Variants in ASIC2 observed in about 807,000 individuals in gnomAD.
ASIC2 encodes acid sensing ion channel subunit 2, also known as acid-sensing ion channel 2.
In ASIC2, 25 loss-of-function variants were observed where a neutral mutation model predicts 57.3. The observed-to-expected ratio is 0.44, with a 90% CI of 0.32 to 0.61. The LOEUF (loss-of-function observed/expected upper bound fraction) is 0.61. Ranked by LOEUF, ASIC2 falls within the 20% of genes least tolerant of loss-of-function variation. The pLI is 0.06. For missense variants in ASIC2, 641 were observed against 738.1 expected, an observed-to-expected ratio of 0.87 and a Z score of 1.52; for synonymous variants, 319 against 307.5, an observed-to-expected ratio of 1.04 and a Z score of -0.39.
intron 1 of ASIC2, among the ~76,000 whole-genome samples, chr17:33,211,452 C>T (rs765646075): frequency 1.3e-5 from 2 of 151,630 alleles, no homozygotes; most frequent in Non-Finnish European, 2.9e-5. Context: ...GGGGACATCA[C>T]CACCAAGGTG....
Position 34,107,180 on chromosome 17 carries a change from G to A in ASIC2, c.555+48798C>T, listed in dbSNP as rs551387790. 8.5e-5 allele frequency among the ~76,000 whole-genome samples: 13 copies of A among 152,122 alleles called. No homozygotes were observed. The South Asian group carries it at 2.7e-3, about 32-fold the overall frequency. On this transcript the variant is annotated intron_variant, in intron 1 of 9. Transcript: ENST00000359872. ...GTTTGTATACCTTCTTTCACAATGA[G>A]AACTTTGACCCTCGGTATCATTTAC...
chr17:33,862,617 C>T (rs1010939266), intron 1 of ASIC2, among the ~76,000 whole-genome samples: 2 of 152,180 alleles, frequency 1.3e-5, no homozygotes, highest in African/African-American at 4.8e-5. Context: ...CTCACATCTA[C>T]TTATGTGTCT....
chr17:33,454,062 A>G (rs1349861111), intron 1 of ASIC2, among the ~76,000 whole-genome samples: 2 of 152,238 alleles, frequency 1.3e-5, no homozygotes, highest in Admixed American at 1.3e-4. Flanking sequence ...ATTCCAAAGA[A>G]ATCTGTGATG....
At chr17:33,098,776 A>T (rs2092195955) in intron 2 of ASIC2, among the ~76,000 whole-genome samples, 1 of 152,102 alleles carries the variant, frequency 6.6e-6, no homozygotes, top group Admixed American at 6.6e-5. Flanking sequence ...TTTTTAAGGA[A>T]CACTAGCTCT....
At chr17:33,172,066 C>T (rs1373222556) in intron 1 of ASIC2, among the ~76,000 whole-genome samples, 1 of 152,190 alleles carries the variant, frequency 6.6e-6, no homozygotes, top group African/African-American at 2.4e-5. Context: ...TCTGTGTCCT[C>T]CACCAAGTTT....
At chr17:33,132,237 T>C (rs954495696) in intron 1 of ASIC2, among the ~76,000 whole-genome samples, 1 of 152,224 alleles carries the variant, frequency 6.6e-6, no homozygotes, top group Non-Finnish European at 1.5e-5. Flanking sequence ...TTATGCAATG[T>C]GAGCCAAATC....
At chr17:33,572,310 C>A (rs9901851) in intron 1 of ASIC2, 23 of 152,078 alleles carry the variant, frequency 1.5e-4, no homozygotes, top group African/African-American at 4.1e-4. Flanking sequence ...GCACCCCCCC[C>A]ACCCCAGGGT....
chr17:33,509,136 G>A (rs1914354391), intron 1 of ASIC2, among the ~76,000 whole-genome samples: 1 of 152,138 alleles, frequency 6.6e-6, no homozygotes, highest in African/African-American at 2.4e-5. Context: ...TAAGTGTCTG[G>A]TAAATGTCAG....
chr17:34,013,837 T>C (rs1906855581), intron 1 of ASIC2, among the ~76,000 whole-genome samples: 1 of 152,194 alleles, frequency 6.6e-6, no homozygotes, highest in African/African-American at 2.4e-5. Context: ...AGGGGGCACC[T>C]GAATAATAGA....
chr17:34,119,728 T>C (rs1217704701), intron 1 of ASIC2, among the ~76,000 whole-genome samples: 1 of 152,126 alleles, frequency 6.6e-6, no homozygotes, highest in Non-Finnish European at 1.5e-5. Context: ...CTTCTGCTGG[T>C]TCATACTTTC....
chr17:33,194,574 G>A (rs1906552877), intron 1 of ASIC2, among the ~76,000 whole-genome samples: 1 of 152,114 alleles, frequency 6.6e-6, no homozygotes, highest in South Asian at 2.1e-4. Flanking sequence ...ATGAAATCTT[G>A]GATTTGCAGC....
chr17:34,103,602 G>A (rs1463584472), intron 1 of ASIC2, among the ~76,000 whole-genome samples: 3 of 151,434 alleles, frequency 2.0e-5, no homozygotes, highest in African/African-American at 7.3e-5. Context: ...TCTATATTTA[G>A]AACAGTCATC....
chr17:33,613,369 C>CTTTTT (rs546720725), intron 1 of ASIC2, among the ~76,000 whole-genome samples: 2 of 126,844 alleles, frequency 1.6e-5, no homozygotes, highest in African/African-American at 5.9e-5. Flanking sequence ...AATGTGTATT[C>CTTTTT]TTTTTTTTTT....
chr17:33,688,114 A>T (rs1390551950), intron 1 of ASIC2, among the ~76,000 whole-genome samples: 5 of 152,154 alleles, frequency 3.3e-5, no homozygotes, highest in Non-Finnish European at 7.3e-5. Flanking sequence ...CCTGAGGGTT[A>T]ATTGGAACAT....
intron 1 of ASIC2, among the ~76,000 whole-genome samples, chr17:33,424,536 G>T (rs970859497): frequency 2.0e-5 from 3 of 152,188 alleles, no homozygotes; most frequent in African/African-American, 4.8e-5. Context: ...TTGCACATTG[G>T]GTAGCCTGAA....
intron 1 of ASIC2, among the ~76,000 whole-genome samples, chr17:33,867,954 C>T (rs1415209018): frequency 6.6e-6 from 1 of 152,192 alleles, no homozygotes; most frequent in Non-Finnish European, 1.5e-5. Flanking sequence ...CAAGATGATG[C>T]ATGCAAGTGG....
chr17:33,124,483 C>T (rs1321836358), intron 1 of ASIC2, among the ~76,000 whole-genome samples: 1 of 152,212 alleles, frequency 6.6e-6, no homozygotes, highest in East Asian at 1.9e-4. Flanking sequence ...ATTTTGGCTG[C>T]CACTATGGGT....
intron 1 of ASIC2, among the ~76,000 whole-genome samples, chr17:33,681,880 C>G (rs1274498792): frequency 6.6e-6 from 1 of 152,144 alleles, no homozygotes; most frequent in African/African-American, 2.4e-5. Flanking sequence ...GCTGACATCT[C>G]TAGTGTCGTC....
intron 1 of ASIC2, among the ~76,000 whole-genome samples, chr17:33,897,639 T>C (rs910462541): frequency 6.6e-5 from 10 of 152,246 alleles, no homozygotes; most frequent in African/African-American, 1.9e-4. Flanking sequence ...CCCATGTGCT[T>C]CATTTCAAAA....
Sources: allele counts gnomAD v4.1 joint callset (sites outside exome capture counted in the v4.1 genomes callset), GRCh38; gene constraint gnomAD v4.1.1; transcripts MANE v1.5; gene names NCBI Gene and HGNC (gene_info 2026-07-23, HGNC 2026-07-21).